GPAT2: variants seen among roughly 807,000 people sequenced by gnomAD.
GPAT2 encodes glycerol-3-phosphate acyltransferase 2, mitochondrial, also known as 1-acylglycerol-3-phosphate O-acyltransferase GPAT2.
Under a neutral mutation model 71.0 loss-of-function variants are expected in GPAT2, and 51 were observed. The observed-to-expected ratio is 0.72, with a 90% confidence interval of 0.57 to 0.91. The LOEUF is 0.91. GPAT2 is among the 40% of genes least tolerant of loss of function. The pLI is 0.00. For synonymous variants in GPAT2, 222 were observed against 290.3 expected, an observed-to-expected ratio of 0.76 and a Z score of 2.39; for missense variants, 511 against 666.0, an observed-to-expected ratio of 0.77 and a Z score of 2.56.
intron 17 of GPAT2, chr2:96,023,705 A>C (rs1319940586): frequency 4.5e-6 from 4 of 896,456 alleles, no homozygotes; most frequent in Non-Finnish European, 6.7e-6. Flanking sequence ...GTCCAGTGCT[A>C]TCCAGAGAGA....
chr2:96,025,225 G>A, intron 13 of GPAT2: 1 of 567,104 alleles, frequency 1.8e-6, no homozygotes. Context: ...AGGGCTGGGT[G>A]TGGCCTTGGG....
Position 96,032,092 on chromosome 2 carries a change from G to C in GPAT2, c.118C>G (p.Leu40Val). Residue 40 changes from leucine to valine, a missense_variant, in exon 3 of 22, where the codon CTG (leucine) becomes GTG (valine). Physicochemically the swap from Leu to Val is conservative, Grantham distance 32 (BLOSUM62 1). This residue lies in a region of GPAT2 where 21 missense variants were observed against 71.6 expected (regional missense o/e 0.29). Coordinates refer to ENST00000434632, the MANE Select transcript of GPAT2 (RefSeq NM_001321527.2). ...GMKLEAVTPF[L>V]GKYRPFVGRC... Reference sequence around the variant, plus strand: ...CCCACAAAGGGGCGATACTTCCCCAGGAATGGAGTGACAGCCTCCAGCTTC... The same window carrying C: ...CCCACAAAGGGGCGATACTTCCCCACGAATGGAGTGACAGCCTCCAGCTTC... 1 of 1,542,580 alleles carries C rather than the reference G, an allele frequency of 6.5e-7. No individual in the cohort carries two copies. Among genetic ancestry groups the C allele is most frequent in the Non-Finnish European group, 8.9e-7 (1 of 1,126,860 alleles).
chr2:96,024,068 C>T, intron 16 of GPAT2, 68 bp from the exon 17 acceptor site: 1 of 1,590,860 alleles, frequency 6.3e-7, no homozygotes, highest in African/African-American at 1.3e-5. Flanking sequence ...TAGCCAAAGA[C>T]CGGGCAAGGC....
Position 96,032,370 on chromosome 2 carries a change from A to C in GPAT2, c.-11T>G, listed in dbSNP as rs764004859. On this transcript the variant is annotated 5_prime_UTR_variant, in exon 2 of 22. Coordinates refer to ENST00000434632, the MANE Select transcript of GPAT2 (RefSeq NM_001321527.2). ...CAACATGGTGGCCATGAGAGCCTAGAAGAACCATGAACCAGTCACCTCTGG... is the reference window on the plus strand; with the variant it reads ...CAACATGGTGGCCATGAGAGCCTAGCAGAACCATGAACCAGTCACCTCTGG... 6.0e-6 allele frequency: 7 copies of C among 1,162,486 alleles called. 1 individual carries two copies. Among genetic ancestry groups the C allele is most frequent in the Non-Finnish European group, 8.4e-6 (7 of 833,722 alleles). 72.0% of individuals were successfully genotyped at this position (1,162,486 alleles called of 1,614,324 possible). A position where few individuals can be genotyped will look rare whatever the true frequency, so the allele number is the denominator to read the frequency against.
rs778764530 is a variant in GPAT2 at position 96,024,536 on chromosome 2, G to GCGCAGCAGGGCCACGTGCGCC, written c.1557_1577dup (p.Ala520_Arg526dup). The GCGCAGCAGGGCCACGTGCGCC allele has an allele frequency of 6.2e-7, 1 of 1,613,876 alleles. No individual in the cohort carries two copies. Among genetic ancestry groups the GCGCAGCAGGGCCACGTGCGCC allele is most frequent in the African/African-American group, 1.3e-5 (1 of 75,034 alleles). On this transcript the variant is annotated inframe_insertion, in exon 15 of 22. Coordinates refer to ENST00000434632, the MANE Select transcript of GPAT2 (RefSeq NM_001321527.2). ...CCACCAGCAAGTCACCCTGACGGAT[G>GCGCAGCAGGGCCACGTGCGCC]CGCAGCAGGGCCACGTGCGCCCGCA...
In GPAT2 at chr2:96,025,521, G is replaced by A; in HGVS notation, c.1321C>T (p.Leu441Phe). 6.4e-7 allele frequency: 1 copy of A among 1,560,026 alleles called. No individual in the cohort carries two copies. Among genetic ancestry groups the A allele is most frequent in the Non-Finnish European group, 8.7e-7 (1 of 1,154,358 alleles). ...TGACAGCTCAGTCTCCTGACCAGGAGCTGGTCCTCTTCCTTGAGGGCCAGG... is the reference window on the plus strand; with the variant it reads ...TGACAGCTCAGTCTCCTGACCAGGAACTGGTCCTCTTCCTTGAGGGCCAGG... The part of the protein sequence containing the change: ...PLLALKEEDQ[L>F]LVRRLSCHVL... Residue 441 changes from leucine (L) to phenylalanine (F), a missense_variant, in exon 13 of 22, where the codon CTC becomes TTC. Coordinates refer to ENST00000434632, the MANE Select transcript of GPAT2 (RefSeq NM_001321527.2).
chr2:96,023,036 G>A lies in GPAT2; in HGVS notation c.2168-13C>T. On this transcript the variant is annotated splice_polypyrimidine_tract_variant and intron_variant, in intron 19 of 21. Coordinates refer to ENST00000434632, the MANE Select transcript of GPAT2 (RefSeq NM_001321527.2). Reference sequence around the variant, plus strand: ...GTGTAGCCCAACTCTGCAGAAGAGAGAAGACCTAGACCTGGCACCCAGCAC... The same window carrying A: ...GTGTAGCCCAACTCTGCAGAAGAGAAAAGACCTAGACCTGGCACCCAGCAC... 6.2e-7 allele frequency: 1 copy of A among 1,614,002 alleles called. No homozygotes were observed. The highest frequency in any genetic ancestry group is 8.5e-7 in the Non-Finnish European group (1 of 1,179,864).
intron 11 of GPAT2, 60 bp from the exon 12 acceptor site, chr2:96,026,072 C>A: frequency 1.3e-6 from 2 of 1,598,636 alleles, no homozygotes; most frequent in Non-Finnish European, 1.7e-6. Context: ...TTGCACACAG[C>A]CCACTGGAAG....
chr2:96,023,978 T>C lies in GPAT2; in HGVS notation c.1859A>G (p.Tyr620Cys). ...GAGCCGGTCCAGCACCTCCTGACAG[T>C]AGCAGTAGGAAGACTGGCAGGGCTG... ...LLKPCQSSYC[Y>C]CQEVLDRLIQ... is the part of the protein sequence containing the mutation. The change falls in exon 17 of 22, where the codon TAC (tyrosine) becomes TGC (cysteine). Residue 620 changes from tyrosine to cysteine, a missense_variant. By Grantham distance (194) the Tyr-to-Cys change is radical (BLOSUM62 -2). Around this residue, in one of 7 missense-constraint regions of GPAT2, gnomAD observed 295 missense variants for 305.5 expected, o/e 0.97. Coordinates refer to ENST00000434632, the MANE Select transcript of GPAT2 (RefSeq NM_001321527.2). 1 of 1,605,442 alleles carries C rather than the reference T, an allele frequency of 6.2e-7. No individual in the cohort carries two copies. Among genetic ancestry groups the C allele is most frequent in the Non-Finnish European group, 8.5e-7 (1 of 1,176,262 alleles).
In GPAT2 at chr2:96,024,624, C is replaced by A. The variant is rs367793485; in HGVS notation, c.1490G>T (p.Arg497Leu). The A allele has an allele frequency of 6.2e-7, 1 of 1,613,898 alleles. No individual in the cohort carries two copies. Among genetic ancestry groups the A allele is most frequent in the Admixed American group, 1.7e-5 (1 of 60,018 alleles). ...FSWLTEEILL[R>L]GFDVGFSGQL... The stretch of plus-strand genomic sequence containing the variant: ...CCCAGAGAAGCCTACATCAAAGCCA[C>A]GCAACAGTATCTCCTCCGTCAGCCA... Residue 497 changes from arginine (R) to leucine (L), a missense_variant, in exon 15 of 22, where the codon CGT becomes CTT. By Grantham distance (102) the Arg-to-Leu change is moderately radical. This residue lies in a region of GPAT2 where 295 missense variants were observed against 305.5 expected (regional missense o/e 0.97). Transcript: ENST00000434632.
At chr2:96,022,313 C>G in intron 21 of GPAT2, 38 bp from the exon 22 acceptor site, 6 of 1,548,204 alleles carry the variant, frequency 3.9e-6, no homozygotes, top group Non-Finnish European at 5.2e-6. Context: ...GCGCTCACCA[C>G]AGGGACTGTG....
At chr2:96,025,413 G>C in intron 13 of GPAT2, 72 bp downstream of exon 13, 1 of 1,520,834 alleles carries the variant, frequency 6.6e-7, no homozygotes, top group South Asian at 1.3e-5. Flanking sequence ...GAGAACCCTG[G>C]TGACTGGCTG....
chr2:96,026,312 G>C lies in GPAT2; in HGVS notation c.1033-7C>G. On this transcript the variant is annotated splice_region_variant and splice_polypyrimidine_tract_variant and intron_variant, in intron 10 of 21. Coordinates refer to ENST00000434632, the MANE Select transcript of GPAT2 (RefSeq NM_001321527.2). The stretch of plus-strand genomic sequence containing the variant: ...GCCCCAGGGGGGCCGAGGCCTGCAA[G>C]GAGGGAAAGGATAACTATACTCGCC... 3 of 1,517,928 alleles carry C rather than the reference G, an allele frequency of 2.0e-6. No individual in the cohort carries two copies. The highest frequency in any genetic ancestry group is 1.4e-5 in the African/African-American group (1 of 71,072). 94.0% of individuals were successfully genotyped at this position (1,517,928 alleles called of 1,614,324 possible).
In GPAT2 at chr2:96,023,448, C is replaced by T. The variant is rs1233065394; in HGVS notation, c.1915-8G>A. 6.2e-7 allele frequency: 1 copy of T among 1,613,770 alleles called. No individual in the cohort carries two copies. The highest frequency in any genetic ancestry group is 8.5e-7 in the Non-Finnish European group (1 of 1,179,974). On this transcript the variant is annotated splice_region_variant and splice_polypyrimidine_tract_variant and intron_variant, in intron 17 of 21. Transcript: ENST00000434632. ...TGGCCGGGAGCCTGGGGTCTAGGGGCCGTGGAGCCATTGTTCTCTGACAAG... is the reference window on the plus strand; with the variant it reads ...TGGCCGGGAGCCTGGGGTCTAGGGGTCGTGGAGCCATTGTTCTCTGACAAG...
chr2:96,025,273 T>C (rs1437379773), intron 13 of GPAT2: 55 of 650,652 alleles, frequency 8.5e-5, no homozygotes, highest in African/African-American at 2.0e-4. Flanking sequence ...GCCACCATCT[T>C]TGTGCATGCA....
rs1195219182 is a variant in GPAT2, at chr2:96,024,495, G to A, written c.1619C>T (p.Pro540Leu). The A allele has an allele frequency of 3.1e-6, 5 of 1,613,974 alleles. No homozygotes were observed. The highest frequency in any genetic ancestry group is 1.3e-5 in the African/African-American group (1 of 75,034). ...CAGTTGTGCCAGGTGTGTGAGGCCT[G>A]GGCCAGGCTGCGGCACCACCAGCAA... ...GDLLVVPQPG[P>L]GLTHLAQLSA... is the part of the protein sequence containing the mutation. Residue 540 changes from proline (P) to leucine (L), a missense_variant, in exon 15 of 22, where the codon CCA becomes CTA. By Grantham distance (98) the Pro-to-Leu change is moderately conservative. Transcript: ENST00000434632.
chr2:96,024,210 C>G lies in GPAT2; in HGVS notation c.1815G>C (p.Pro605=), dbSNP rs531152623. 3.3e-6 allele frequency: 5 copies of G among 1,534,094 alleles called. No individual in the cohort carries two copies. Among genetic ancestry groups the G allele is most frequent in the East Asian group, 2.3e-5 (1 of 43,334 alleles). Residue 605 remains proline (P), a synonymous_variant, in exon 16 of 22, where the codon CCG becomes CCC. Coordinates refer to ENST00000434632, the MANE Select transcript of GPAT2 (RefSeq NM_001321527.2). ...TGACCTTTAGCAGCAGCAGGTCTTG[C>G]GGCAGCAGGTGCATCAGCAGCAGGA... ...RQILLLMHLL[P]QDLLLLKPCQ... is the part of the protein sequence containing the mutation.
At chr2:96,023,813 C>G in intron 17 of GPAT2, 110 bp downstream of exon 17, 1 of 1,505,464 alleles carries the variant, frequency 6.6e-7, no homozygotes, top group South Asian at 1.3e-5. Context: ...TGCCCACCCC[C>G]ACAGCACACA....
rs376411215 is a variant in GPAT2 at position 96,022,950 on chromosome 2, G to A, written c.2233+8C>T. ...TGCAGGAGCCTGGGCTGACTGGTTG[G>A]GACTCACCGAAGATCCCTTCTTCCT... On this transcript the variant is annotated splice_region_variant and intron_variant, in intron 20 of 21. Coordinates refer to ENST00000434632, the MANE Select transcript of GPAT2 (RefSeq NM_001321527.2). The A allele has an allele frequency of 2.2e-5, 35 of 1,613,520 alleles. No individual in the cohort carries two copies. In the East Asian group the frequency reaches 3.1e-4, roughly 14 times the overall value.
Sources: gnomAD v4.1 joint callset for allele counts on GRCh38, gnomAD v4.1.1 for gene constraint, gnomAD v4.1.1 regional missense constraint, MANE v1.5 for transcripts, NCBI Gene and HGNC (gene_info 2026-07-23, HGNC 2026-07-21) for gene names.